The following GALNT12 variants were observed in gnomAD, a reference collection of about 807,000 sequenced individuals.
GALNT12 encodes the protein UDP-GalNAc:polypeptide N-acetylgalactosaminyltransferase 12.
Under a neutral mutation model 55.5 loss-of-function variants are expected in GALNT12, and 45 were observed. That is an observed-to-expected ratio of 0.81 (90% CI 0.64 to 1.04). The LOEUF is 1.04. Among genes scored for constraint, GALNT12 ranks in the 50% least tolerant of loss-of-function variants. The pLI is 0.00. For missense variants in GALNT12, 709 were observed against 754.8 expected, an observed-to-expected ratio of 0.94 and a Z score of 0.71; for synonymous variants, 304 against 312.2, an observed-to-expected ratio of 0.97 and a Z score of 0.28.
chr9:98,829,028 CG>C (rs2118393629), intron 3 of GALNT12, among the ~76,000 whole-genome samples: 1 of 152,164 alleles, frequency 6.6e-6, no homozygotes, highest in African/African-American at 2.4e-5. Flanking sequence ...CAGAGTTTCA[CG>C]ATGTTGGCCA....
Position 98,849,246 on chromosome 9 carries a change from A to T in GALNT12, c.*154A>T, listed in dbSNP as rs548270478. ...TTGCCATTTGTGAAAGTTGTGTTGGATTTAGTAAAAATGTGAATAAGCTTT... is the reference window on the plus strand; with the variant it reads ...TTGCCATTTGTGAAAGTTGTGTTGGTTTTAGTAAAAATGTGAATAAGCTTT... On this transcript the variant is annotated 3_prime_UTR_variant, in exon 10 of 10. Transcript: ENST00000375011. The T allele has an allele frequency of 3.8e-4, 279 of 734,566 alleles. No individual in the cohort carries two copies. In the African/African-American group the frequency reaches 4.3e-3, roughly 11 times the overall value. The allele number at this position is 734,566 out of a possible 1,614,324, so 45.5% of individuals were successfully genotyped here.
Position 98,807,972 on chromosome 9 carries a change from C to G in GALNT12, c.274C>G (p.Arg92Gly). The change falls in exon 1 of 10, where the codon CGG becomes GGG. Residue 92 changes from arginine (R) to glycine (G), a missense_variant. Coordinates refer to ENST00000375011, the MANE Select transcript of GALNT12 (RefSeq NM_024642.5). Reference protein sequence around the residue: ...VRLQLQGEELRLQEESVRLHQ... With the variant: ...VRLQLQGEELGLQEESVRLHQ... Reference sequence around the variant, plus strand: ...GCTGCAGCTGCAGGGCGAGGAGCTGCGGCTGCAGGAGGAGAGCGTGCGGCT... The same window carrying G: ...GCTGCAGCTGCAGGGCGAGGAGCTGGGGCTGCAGGAGGAGAGCGTGCGGCT... 6.8e-7 allele frequency: 1 copy of G among 1,476,180 alleles called. No homozygotes were observed. Among genetic ancestry groups the G allele is most frequent in the Non-Finnish European group, 9.0e-7 (1 of 1,110,612 alleles). 91.4% of individuals were successfully genotyped at this position (1,476,180 alleles called of 1,614,324 possible). A position where few individuals can be genotyped will look rare whatever the true frequency, so the allele number is the denominator to read the frequency against.
rs750984582 is a variant in GALNT12, at chr9:98,837,063, C to T, written c.1127C>T (p.Ala376Val). The change falls in exon 6 of 10, where the codon GCT becomes GTT. Residue 376 changes from alanine to valine, a missense_variant. Physicochemically the swap from Ala to Val is moderately conservative, Grantham distance 64. Around this residue, in one of 5 missense-constraint regions of GALNT12, gnomAD observed 262 missense variants for 310.7 expected, o/e 0.84. Coordinates refer to ENST00000375011, the MANE Select transcript of GALNT12 (RefSeq NM_024642.5). ...CAAGCTCCCTACTCCCGCAACAAGG[C>T]TCTGGCCAACAGTGTTCGTGCAGCT... ...PKQAPYSRNKALANSVRAAEV... is the reference protein window; with the variant it reads ...PKQAPYSRNKVLANSVRAAEV... The T allele has an allele frequency of 6.2e-7, 1 of 1,614,212 alleles. No individual in the cohort carries two copies. The highest frequency in any genetic ancestry group is 1.7e-5 in the Admixed American group (1 of 60,020).
chr9:98,815,632 T>C (rs1296660167), intron 1 of GALNT12, among the ~76,000 whole-genome samples: 1 of 152,212 alleles, frequency 6.6e-6, no homozygotes, highest in African/African-American at 2.4e-5. Flanking sequence ...GCATTTGCTG[T>C]GAGGAACTAA....
chr9:98,842,232 G>A (rs1457966474), intron 7 of GALNT12, among the ~76,000 whole-genome samples: 2 of 152,058 alleles, frequency 1.3e-5, no homozygotes, highest in Non-Finnish European at 2.9e-5. Flanking sequence ...CACCCAGGCT[G>A]GAGCACAGTG....
At chr9:98,831,095 G>A (rs750018591) in intron 3 of GALNT12, among the ~76,000 whole-genome samples, 15 of 152,164 alleles carry the variant, frequency 9.9e-5, no homozygotes, top group Non-Finnish European at 1.6e-4. Context: ...GGAGAGAACC[G>A]TTGAAGCCAA....
chr9:98,848,775 C>G (rs1255333867), intron 9 of GALNT12, 177 bp from the exon 10 acceptor site: 5 of 731,828 alleles, frequency 6.8e-6, no homozygotes, highest in South Asian at 6.7e-5. Flanking sequence ...GCAGCCTGTA[C>G]AAGCCTGGTG....
intron 8 of GALNT12, among the ~76,000 whole-genome samples, chr9:98,845,619 C>G (rs1180785133): frequency 1.3e-5 from 2 of 152,144 alleles, no homozygotes; most frequent in African/African-American, 4.8e-5. Flanking sequence ...TAGTCAAGGT[C>G]ACAGAGAGCC....
At chr9:98,835,565 A>G (rs1273889589) in intron 5 of GALNT12, among the ~76,000 whole-genome samples, 199 bp downstream of exon 5, 1 of 152,196 alleles carries the variant, frequency 6.6e-6, no homozygotes, top group Non-Finnish European at 1.5e-5. Flanking sequence ...TGCGAGTCAC[A>G]TAGTTCTCTC....
intron 1 of GALNT12, among the ~76,000 whole-genome samples, chr9:98,812,683 A>G (rs1376644971): frequency 2.0e-5 from 3 of 152,190 alleles, no homozygotes; most frequent in African/African-American, 7.2e-5. Context: ...TTTGGATTTG[A>G]TAGTGCTGTC....
In GALNT12 at chr9:98,831,945, T is replaced by C. The variant is rs2118416286; in HGVS notation, c.905T>C (p.Val302Ala). 6.2e-7 allele frequency: 1 copy of C among 1,613,836 alleles called. No homozygotes were observed. The highest frequency in any genetic ancestry group is 1.1e-5 in the South Asian group (1 of 90,992). Residue 302 changes from valine (V) to alanine (A), a missense_variant, in exon 4 of 10, where the codon GTC (valine) becomes GCC (alanine). Coordinates refer to ENST00000375011, the MANE Select transcript of GALNT12 (RefSeq NM_024642.5). Reference sequence around the variant, plus strand: ...GAGAGGATACGGATGCAATCCCCCGTCGATGTCATCAGGTCAGGAGCTGAC... The same window carrying C: ...GAGAGGATACGGATGCAATCCCCCGCCGATGTCATCAGGTCAGGAGCTGAC... ...ERERIRMQSP[V>A]DVIRSPTMAG...
At chr9:98,819,283 C>T (rs1835683362) in intron 1 of GALNT12, among the ~76,000 whole-genome samples, 1 of 152,160 alleles carries the variant, frequency 6.6e-6, no homozygotes, top group African/African-American at 2.4e-5. Context: ...GACCAGGCTC[C>T]CTTCTCTGGA....
Position 98,846,071 on chromosome 9 carries a change from T to C in GALNT12, c.1553T>C (p.Met518Thr). The C allele has an allele frequency of 1.9e-6, 3 of 1,614,220 alleles. No homozygotes were observed. The highest frequency in any genetic ancestry group is 2.7e-5 in the African/African-American group (2 of 75,062). Reference protein sequence around the residue: ...AVEAGMDTLIMHLCEETAPEN... With the variant: ...AVEAGMDTLITHLCEETAPEN... Reference sequence around the variant, plus strand: ...GAAGCAGGAATGGATACCCTTATCATGCATCTCTGCGAAGAAACTGCCCCA... The same window carrying C: ...GAAGCAGGAATGGATACCCTTATCACGCATCTCTGCGAAGAAACTGCCCCA... The change falls in exon 9 of 10, where the codon ATG becomes ACG. Residue 518 changes from methionine (M) to threonine (T), a missense_variant. This residue lies in a region of GALNT12 where 262 missense variants were observed against 310.7 expected (regional missense o/e 0.84). Transcript: ENST00000375011.
chr9:98,849,450 G>A lies in GALNT12; in HGVS notation c.*358G>A, dbSNP rs958869830. 5.3e-5 allele frequency: 28 copies of A among 528,610 alleles called. No homozygotes were observed. Among genetic ancestry groups the A allele is most frequent in the South Asian group, 2.6e-4 (8 of 31,154 alleles). 32.7% of individuals were successfully genotyped at this position (528,610 alleles called of 1,614,324 possible). A position where few individuals can be genotyped will look rare whatever the true frequency, so the allele number is the denominator to read the frequency against. Reference sequence around the variant, plus strand: ...GCAAAAAAGATAAAGATTTTATTTTGGTATTTACAAGAATTCCCAGGTACG... The same window carrying A: ...GCAAAAAAGATAAAGATTTTATTTTAGTATTTACAAGAATTCCCAGGTACG... On this transcript the variant is annotated 3_prime_UTR_variant, in exon 10 of 10. Transcript: ENST00000375011.
intron 1 of GALNT12, among the ~76,000 whole-genome samples, chr9:98,815,169 T>C (rs867270622): frequency 6.6e-6 from 1 of 152,212 alleles, no homozygotes; most frequent in Non-Finnish European, 1.5e-5. Context: ...TAAAGACATT[T>C]CAAAAAGATA....
chr9:98,847,961 C>T (rs1836459324), intron 9 of GALNT12, among the ~76,000 whole-genome samples: 1 of 151,776 alleles, frequency 6.6e-6, no homozygotes, highest in East Asian at 1.9e-4. Flanking sequence ...TACAGGCGCC[C>T]GCCACCACGC....
At chr9:98,835,763 T>C (rs1836126780) in intron 5 of GALNT12, among the ~76,000 whole-genome samples, 1 of 150,680 alleles carries the variant, frequency 6.6e-6, no homozygotes, top group East Asian at 2.0e-4. Context: ...TGAGACGGAG[T>C]CTCGCTCTGT....
Position 98,807,981 on chromosome 9 carries a change from G to T in GALNT12, c.283G>T (p.Glu95Ter). Residue 95 changes from glutamate (E) to a stop codon, truncating the protein, a stop_gained, in exon 1 of 10, where the codon GAG (glutamate) becomes TAG (stop). Coordinates refer to ENST00000375011, the MANE Select transcript of GALNT12 (RefSeq NM_024642.5). LOFTEE classifies it high-confidence loss of function. ...GCAGGGCGAGGAGCTGCGGCTGCAG[G>T]AGGAGAGCGTGCGGCTGCACCAGAT... Reference protein sequence around the residue: ...QLQGEELRLQEESVRLHQINI... With the variant: ...QLQGEELRLQ 6.6e-7 allele frequency: 1 copy of T among 1,517,438 alleles called. No individual in the cohort carries two copies. The highest frequency in any genetic ancestry group is 8.8e-7 in the Non-Finnish European group (1 of 1,134,500). The allele number at this position is 1,517,438 out of a possible 1,614,324, so 94.0% of individuals were successfully genotyped here.
At chr9:98,837,207 C>T (rs1255035765) in intron 6 of GALNT12, 59 bp downstream of exon 6, 25 of 1,535,516 alleles carry the variant, frequency 1.6e-5, no homozygotes, top group South Asian at 2.2e-5. Context: ...AGCAGCTAAT[C>T]GTGGCTTCCC....
Sources: gnomAD v4.1 joint callset for allele counts (sites outside exome capture counted in the v4.1 genomes callset) on GRCh38, gnomAD v4.1.1 for gene constraint, gnomAD v4.1.1 regional missense constraint, MANE v1.5 for transcripts, NCBI Gene and HGNC (gene_info 2026-07-23, HGNC 2026-07-21) for gene names.